MSI2: variants seen among roughly 807,000 people sequenced by gnomAD.
MSI2 encodes the protein RNA-binding protein Musashi homolog 2.
Under a neutral mutation model 45.6 loss-of-function variants are expected in MSI2, and 17 were observed. That is an observed-to-expected ratio of 0.37 (90% CI 0.26 to 0.56). The LOEUF (loss-of-function observed/expected upper bound fraction) is 0.56, where lower values mean the gene tolerates loss of function less well. Among genes scored for constraint, MSI2 ranks in the 20% least tolerant of loss-of-function variants. The pLI is 0.77. For synonymous variants in MSI2, 156 were observed against 158.2 expected (o/e 0.99, Z 0.11); for missense variants, 293 against 444.2 (o/e 0.66, Z 3.06).
intron 8 of MSI2, among the ~76,000 whole-genome samples, chr17:57,604,306 A>T (rs1906278310): frequency 1.3e-5 from 2 of 152,200 alleles, no homozygotes; most frequent in African/African-American, 4.8e-5. Flanking sequence ...TTTTTTCACC[A>T]CTGTCGTCAT....
intron 6 of MSI2, among the ~76,000 whole-genome samples, chr17:57,418,834 A>C (rs1195711596): frequency 1.3e-5 from 2 of 152,212 alleles, no homozygotes; most frequent in Non-Finnish European, 2.9e-5. Context: ...ATTAATCTGC[A>C]CTGTTTAGGT....
downstream of MSI2, among the ~76,000 whole-genome samples, chr17:57,684,993 G>A (rs939661190): frequency 2.0e-5 from 3 of 152,108 alleles, no homozygotes; most frequent in East Asian, 1.9e-4. Context: ...AAGGTCCTGC[G>A]GATCAGAGGA....
chr17:57,387,315 G>A (rs562852879), intron 5 of MSI2, among the ~76,000 whole-genome samples: 28 of 152,274 alleles, frequency 1.8e-4, no homozygotes, highest in East Asian at 3.9e-4. Flanking sequence ...TTTTTGCTGC[G>A]ACTGTTGTTT....
chr17:57,623,483 G>T (rs953745617), intron 9 of MSI2, among the ~76,000 whole-genome samples: 1 of 152,188 alleles, frequency 6.6e-6, no homozygotes. Flanking sequence ...GACTCAAAAT[G>T]AGCTCAGTGG....
intron 5 of MSI2, chr17:57,265,793 A>G (rs1277658712): frequency 6.6e-6 from 1 of 152,192 alleles, no homozygotes; most frequent in Non-Finnish European, 1.5e-5. Context: ...TATCTTTTTA[A>G]AAATTAAAAT....
At chr17:57,317,506 CTT>C (rs921448429) in intron 5 of MSI2, among the ~76,000 whole-genome samples, 2,166 of 94,532 alleles carry the variant, frequency 0.023, 23 homozygotes, top group African/African-American at 0.094. Flanking sequence ...TATAGTTTTG[CTT>C]TTTTTTTTTT....
At chr17:57,621,921 T>G (rs1203005313) in intron 9 of MSI2, among the ~76,000 whole-genome samples, 6 of 152,234 alleles carry the variant, frequency 3.9e-5, no homozygotes, top group Non-Finnish European at 1.5e-5. Flanking sequence ...AAAGGTCTTT[T>G]GCAGGTCAGT....
At chr17:57,684,795 C>CTGA (rs1913822111), downstream of MSI2, 1 of 152,284 alleles carries the variant, frequency 6.6e-6, no homozygotes, top group African/African-American at 2.4e-5. Context: ...CCACCCTCAC[C>CTGA]CCTCAGCATG....
At chr17:57,654,211 C>G (rs1911411244) in intron 11 of MSI2, among the ~76,000 whole-genome samples, 1 of 152,222 alleles carries the variant, frequency 6.6e-6, no homozygotes, top group South Asian at 2.1e-4. Flanking sequence ...CAGGGTGTGT[C>G]AGGGGCTTGG....
intron 5 of MSI2, among the ~76,000 whole-genome samples, chr17:57,327,670 A>G (rs1239053667): frequency 5.3e-5 from 8 of 152,116 alleles, no homozygotes; most frequent in Non-Finnish European, 1.5e-5. Context: ...TGTCTCTTTC[A>G]CCAGTTAGTG....
chr17:57,585,709 C>A (rs1311679705), intron 7 of MSI2, among the ~76,000 whole-genome samples: 1 of 152,212 alleles, frequency 6.6e-6, no homozygotes, highest in Non-Finnish European at 1.5e-5. Flanking sequence ...ACCCAAAAAC[C>A]CACCTCCAGA....
intron 10 of MSI2, among the ~76,000 whole-genome samples, chr17:57,649,038 T>TGTGCCC (rs1363477179): frequency 6.6e-6 from 1 of 152,212 alleles, no homozygotes; most frequent in East Asian, 1.9e-4. Flanking sequence ...GGAGACAGCC[T>TGTGCCC]GTGCCCTCCG....
chr17:57,256,878 G>A, intron 1 of MSI2, 74 bp downstream of exon 1: 1 of 1,232,600 alleles, frequency 8.1e-7, no homozygotes, highest in Non-Finnish European at 1.1e-6. Flanking sequence ...GGCGGTGCGC[G>A]GAGCCGGGCA....
chr17:57,497,090 G>C (rs1442273885), intron 6 of MSI2, among the ~76,000 whole-genome samples: 2 of 152,158 alleles, frequency 1.3e-5, no homozygotes, highest in Non-Finnish European at 2.9e-5. Context: ...CGATTCTCCT[G>C]CCTCGCCTCC....
At chr17:57,701,182 A>G in the MSI2 span, among the ~76,000 whole-genome samples, 1 of 152,208 alleles carries the variant, frequency 6.6e-6, no homozygotes, top group Non-Finnish European at 1.5e-5. Flanking sequence ...GTAAATATAC[A>G]GGTGTACGTG....
At chr17:57,597,929 C>G (rs1322287205) in intron 8 of MSI2, among the ~76,000 whole-genome samples, 3 of 152,152 alleles carry the variant, frequency 2.0e-5, no homozygotes, top group Non-Finnish European at 4.4e-5. Context: ...CTTTTTCTGC[C>G]ACAGCAGCCT....
At chr17:57,508,231 T>C (rs1360494903) in intron 6 of MSI2, among the ~76,000 whole-genome samples, 2 of 152,056 alleles carry the variant, frequency 1.3e-5, no homozygotes, top group African/African-American at 2.4e-5. Context: ...CCATTCTGCA[T>C]TGATATGAGA....
chr17:57,428,725 A>C (rs2084539745), intron 6 of MSI2, among the ~76,000 whole-genome samples: 1 of 152,150 alleles, frequency 6.6e-6, no homozygotes, highest in Non-Finnish European at 1.5e-5. Flanking sequence ...CTAATTTCAA[A>C]TATCATGTTT....
intron 6 of MSI2, among the ~76,000 whole-genome samples, chr17:57,502,602 G>GATAGATATATATATATATATAT (rs1190802566): frequency 7.4e-5 from 4 of 54,408 alleles, no homozygotes; most frequent in African/African-American, 2.3e-4. Flanking sequence ...ATGACTCTGA[G>GATAGATATATATATATATATAT]ATATATATAT....
Sources: allele counts gnomAD v4.1 joint callset (sites outside exome capture counted in the v4.1 genomes callset), GRCh38; gene constraint gnomAD v4.1.1; transcripts MANE v1.5; gene names NCBI Gene and HGNC (gene_info 2026-07-23, HGNC 2026-07-21).